Variants in ZNF516 observed in about 807,000 individuals in gnomAD.
The protein encoded by ZNF516 is zinc finger protein 516.
ZNF516 carries 19 observed loss-of-function variants against 79.7 expected under a neutral mutation model. The observed-to-expected ratio is 0.24, with a 90% CI of 0.17 to 0.35. ZNF516 has a LOEUF of 0.35. ZNF516 is among the 10% of genes least tolerant of loss of function. The pLI is 1.00. For synonymous variants in ZNF516, 877 were observed against 739.5 expected, an observed-to-expected ratio of 1.19 and a Z score of -3.02; for missense variants, 1,678 against 1,679.5, an observed-to-expected ratio of 1.00 and a Z score of 0.02.
At chr18:76,409,153 G>A (rs1480922679) in intron 3 of ZNF516, among the ~76,000 whole-genome samples, 1 of 146,370 alleles carries the variant, frequency 6.8e-6, no homozygotes, top group Admixed American at 6.9e-5. Flanking sequence ...AGAGCAGCAA[G>A]AGAACGATTC....
chr18:76,480,792 G>C (rs934732096), intron 1 of ZNF516, among the ~76,000 whole-genome samples: 1 of 152,122 alleles, frequency 6.6e-6, no homozygotes, highest in Non-Finnish European at 1.5e-5. Context: ...AAAATGCTGG[G>C]ATTACAGGTG....
Position 76,468,937 on chromosome 18 carries a change from T to C in ZNF516, c.-271-5796A>G, listed in dbSNP as rs995183194. Among the ~76,000 whole-genome samples, 19 of 152,196 alleles carry C rather than the reference T, an allele frequency of 1.2e-4. 1 individual carries two copies. The highest frequency in any genetic ancestry group is 5.2e-4 in the Admixed American group (8 of 15,274). ...TTGTATATTATATGTCCTTCAACAA[T>C]GGAAGGTCCTGAACCACTAAACCAC... is the stretch of plus-strand genomic sequence containing the variant. On this transcript the variant is annotated intron_variant, in intron 1 of 6. Transcript: ENST00000443185.
rs193028771 is a variant in ZNF516, at chr18:76,447,773, C to T, written c.-157-4562G>A. Among the ~76,000 whole-genome samples the T allele has an allele frequency of 8.7e-4, 132 of 152,276 alleles. 1 individual carries two copies. Among genetic ancestry groups the T allele is most frequent in the Non-Finnish European group, 1.5e-3 (103 of 68,030 alleles). ...GATGTATTACAAACTTTTTCCAAGG[C>T]TGGAACTGGGAACATGCCAGACAAA... is the stretch of plus-strand genomic sequence containing the variant. On this transcript the variant is annotated intron_variant, in intron 2 of 6. Transcript: ENST00000443185.
chr18:76,394,810 TG>T (rs1323869177), intron 3 of ZNF516, among the ~76,000 whole-genome samples: 108 of 3,286 alleles, frequency 0.033, 36 homozygotes, highest in African/African-American at 0.11. Flanking sequence ...GGTGGTCAGG[TG>T]GGGGGAAGGC....
chr18:76,440,761 T>TGTGTGTGCGCGC (rs571461431), intron 3 of ZNF516, among the ~76,000 whole-genome samples: 16 of 150,244 alleles, frequency 1.1e-4, no homozygotes, highest in African/African-American at 3.7e-4. Context: ...TGTGTGTGTG[T>TGTGTGTGCGCGC]GCGCGCACGC....
intron 1 of ZNF516, among the ~76,000 whole-genome samples, chr18:76,473,375 A>AAC (rs1913966047): frequency 3.0e-5 from 4 of 132,006 alleles, no homozygotes; most frequent in Non-Finnish European, 4.8e-5. Flanking sequence ...AAAAAAAAAA[A>AAC]AAAACACCTA....
chr18:76,422,585 C>T (rs984921710), intron 3 of ZNF516, among the ~76,000 whole-genome samples: 1 of 152,040 alleles, frequency 6.6e-6, no homozygotes, highest in Non-Finnish European at 1.5e-5. Context: ...TTAAAAGATA[C>T]CCAGAAACCA....
chr18:76,440,786 T>G (rs904389818), intron 3 of ZNF516, among the ~76,000 whole-genome samples: 1 of 147,402 alleles, frequency 6.8e-6, no homozygotes. Flanking sequence ...ATGCATCGTA[T>G]GGTGAGAACT....
chr18:76,431,929 A>G (rs2075666663), intron 3 of ZNF516, among the ~76,000 whole-genome samples: 1 of 152,216 alleles, frequency 6.6e-6, no homozygotes, highest in Non-Finnish European at 1.5e-5. Context: ...TGCCCCATGC[A>G]TTCCGCCTCC....
intron 2 of ZNF516, among the ~76,000 whole-genome samples, chr18:76,456,162 T>C (rs576400185): frequency 5.3e-5 from 8 of 152,318 alleles, no homozygotes; most frequent in South Asian, 2.1e-4. Flanking sequence ...CGTGAAACAA[T>C]AGATGCTCAC....
chr18:76,418,304 C>T (rs1164273856), intron 3 of ZNF516, among the ~76,000 whole-genome samples: 1 of 152,112 alleles, frequency 6.6e-6, no homozygotes, highest in Non-Finnish European at 1.5e-5. Flanking sequence ...AACACACACG[C>T]TGTAACATGC....
chr18:76,421,181 T>C (rs1264570480), intron 3 of ZNF516, among the ~76,000 whole-genome samples: 1 of 152,208 alleles, frequency 6.6e-6, no homozygotes, highest in African/African-American at 2.4e-5. Flanking sequence ...CAAAGCAAGA[T>C]GAATTACACT....
chr18:76,360,641 A>AT lies in ZNF516; in HGVS notation c.*1856_*1857insA, dbSNP rs1568223689. 15 of 113,642 alleles carry AT rather than the reference A, an allele frequency of 1.3e-4. No homozygotes were observed. Among genetic ancestry groups the AT allele is most frequent in the South Asian group, 1.3e-3 (4 of 3,066 alleles). The allele number at this position is 113,642 out of a possible 1,614,324, so 7.0% of individuals were successfully genotyped here. A position where few individuals can be genotyped will look rare whatever the true frequency, so the allele number is the denominator to read the frequency against. ...ATCAGAAAAAAATAAGTAAAAAAAA[A>AT]AAAAAATATATATATATATATATAT... On this transcript the variant is annotated 3_prime_UTR_variant, in exon 7 of 7. Transcript: ENST00000443185.
chr18:76,416,659 G>A (rs1034709247), intron 3 of ZNF516, among the ~76,000 whole-genome samples: 6 of 152,074 alleles, frequency 3.9e-5, no homozygotes, highest in Non-Finnish European at 8.8e-5. Flanking sequence ...GAGGACCATC[G>A]CCTACACACC....
chr18:76,423,973 G>C (rs112732964), intron 3 of ZNF516, among the ~76,000 whole-genome samples: 1,590 of 124,112 alleles, frequency 0.013, 2 homozygotes, highest in African/African-American at 0.03. Flanking sequence ...AGGTGAAAAG[G>C]CTCCCCCGAA....
At chr18:76,426,991 C>T (rs7229901) in intron 3 of ZNF516, among the ~76,000 whole-genome samples, 17,715 of 152,214 alleles carry the variant, frequency 0.12, 1,283 homozygotes, top group Non-Finnish European at 0.16. Flanking sequence ...CATCCCACCT[C>T]CAAGTCCCAG....
intron 3 of ZNF516, chr18:76,386,112 C>G (rs910673163): frequency 1.3e-5 from 2 of 152,206 alleles, no homozygotes; most frequent in African/African-American, 4.8e-5. Flanking sequence ...ATAACGGATA[C>G]AGTTTAGTTA....
intron 3 of ZNF516, among the ~76,000 whole-genome samples, chr18:76,404,461 G>GT (rs759376546): frequency 6.6e-6 from 1 of 152,176 alleles, no homozygotes; most frequent in Non-Finnish European, 1.5e-5. Context: ...GTGTGAGCAA[G>GT]TTTGTGTTTG....
intron 3 of ZNF516, 137 bp from the exon 4 acceptor site, chr18:76,380,440 C>A (rs2074873030): frequency 5.2e-6 from 6 of 1,144,900 alleles, no homozygotes; most frequent in Non-Finnish European, 7.2e-6. Context: ...CTGGGTGGCT[C>A]TTAGAAAACC....
Sources: allele counts gnomAD v4.1 joint callset (sites outside exome capture counted in the v4.1 genomes callset), GRCh38; gene constraint gnomAD v4.1.1; transcripts MANE v1.5; gene names NCBI Gene and HGNC (gene_info 2026-07-23, HGNC 2026-07-21).